KCNN1: variants seen among roughly 807,000 people sequenced by gnomAD.
The protein encoded by KCNN1 is potassium calcium-activated channel subfamily N member 1, also known as small conductance calcium-activated potassium channel protein 1.
A neutral mutation model predicts 44.7 loss-of-function variants in KCNN1; 20 were observed. The ratio of observed to expected loss-of-function variants is 0.45; its 90% CI spans 0.32 to 0.65. KCNN1 has a LOEUF of 0.65. Ranked by LOEUF, KCNN1 falls within the 30% of genes least tolerant of loss-of-function variation. KCNN1 has a pLI of 0.05. For missense variants in KCNN1, 632 were observed against 785.3 expected, an observed-to-expected ratio of 0.80 and a Z score of 2.33; for synonymous variants, 324 against 341.7, an observed-to-expected ratio of 0.95 and a Z score of 0.57.
At chr19:17,966,209 G>A (rs1265991415), upstream of KCNN1, among the ~76,000 whole-genome samples, 1 of 152,188 alleles carries the variant, frequency 6.6e-6, no homozygotes, top group Admixed American at 6.5e-5. Flanking sequence ...TGGAGGGTGT[G>A]GGAGAGAGAT....
At position 17,993,404 on chromosome 19, in the gene KCNN1, C is replaced by T. The variant is rs564083024; in HGVS notation, c.1308-86C>T. 4.1e-5 allele frequency: 40 copies of T among 972,800 alleles called. No homozygotes were observed. The African/African-American group carries it at 5.3e-4, about 13-fold the overall frequency. The allele number at this position is 972,800 out of a possible 1,614,324, so 60.3% of individuals were successfully genotyped here. A position where few individuals can be genotyped will look rare whatever the true frequency, so the allele number is the denominator to read the frequency against. On this transcript the variant is annotated intron_variant, in intron 8 of 9. Coordinates refer to ENST00000684775, the MANE Select transcript of KCNN1 (RefSeq NM_001386974.1). This position sits in a 1 kb window ranked among gnomAD's most constrained non-coding sequence, Gnocchi z 4.5. ...CTGATGCATGTCCCATAGGTGACCC[C>T]GGGTGGGTGCATGAAAGTCCCTGCC... is the stretch of plus-strand genomic sequence containing the variant.
intron 3 of KCNN1, among the ~76,000 whole-genome samples, chr19:17,977,309 A>T (rs1447101310): frequency 6.6e-6 from 1 of 151,172 alleles, no homozygotes; most frequent in Non-Finnish European, 1.5e-5. Flanking sequence ...AACACCAGTC[A>T]TTATTGGATT....
chr19:17,985,899 G>A (rs1005662109), intron 5 of KCNN1, among the ~76,000 whole-genome samples: 1 of 152,224 alleles, frequency 6.6e-6, no homozygotes, highest in African/African-American at 2.4e-5. Context: ...ATTTATGTGA[G>A]AATCCCAGAA....
intron 6 of KCNN1, among the ~76,000 whole-genome samples, chr19:17,989,448 A>G (rs2145964960): frequency 6.6e-6 from 1 of 152,072 alleles, no homozygotes; most frequent in East Asian, 1.9e-4. Context: ...ACAGAGCCTC[A>G]AAAAACAAAC....
Position 17,980,228 on chromosome 19 carries a change from A to ATTTTTTTTTTTTTTTTTTTTTT in KCNN1, c.499-1471_499-1450dup, listed in dbSNP as rs34810089. The stretch of plus-strand genomic sequence containing the variant: ...AGGCACCCGCCACCACACCTAGCTA[A>ATTTTTTTTTTTTTTTTTTTTTT]TTTTTTTTTTTTTTTTTTTTTTTTT... On this transcript the variant is annotated intron_variant, in intron 3 of 9. Coordinates refer to ENST00000684775, the MANE Select transcript of KCNN1 (RefSeq NM_001386974.1). 3.4e-4 allele frequency among the ~76,000 whole-genome samples: 15 copies of ATTTTTTTTTTTTTTTTTTTTTT among 44,538 alleles called. 2 individuals are homozygous for ATTTTTTTTTTTTTTTTTTTTTT. The highest frequency in any genetic ancestry group is 3.9e-4 in the Non-Finnish European group (10 of 25,396). 29.2% of individuals were successfully genotyped at this position (44,538 alleles called of 152,430 possible).
upstream of KCNN1, among the ~76,000 whole-genome samples, chr19:17,965,514 C>G (rs948345301): frequency 6.4e-4 from 97 of 152,070 alleles, no homozygotes; most frequent in African/African-American, 2.2e-3. Context: ...GGCAGGGGAA[C>G]AGCAAGTGCA....
intron 2 of KCNN1, among the ~76,000 whole-genome samples, chr19:17,955,356 T>C (rs1363994367): frequency 6.6e-6 from 1 of 150,512 alleles, no homozygotes; most frequent in African/African-American, 2.4e-5. Context: ...AGGTCAGGAG[T>C]TCGAGACCAG....
chr19:17,985,772 C>T (rs1395408928), intron 5 of KCNN1, among the ~76,000 whole-genome samples: 1 of 152,224 alleles, frequency 6.6e-6, no homozygotes, highest in Non-Finnish European at 1.5e-5. Context: ...TTATTCTCTA[C>T]AGCCTGATTT....
chr19:17,993,418 A>G lies in KCNN1; in HGVS notation c.1308-72A>G, dbSNP rs1225077776. 8.5e-7 allele frequency: 1 copy of G among 1,176,928 alleles called. No homozygotes were observed. 72.9% of individuals were successfully genotyped at this position (1,176,928 alleles called of 1,614,324 possible). On this transcript the variant is annotated intron_variant, in intron 8 of 9. Transcript: ENST00000684775. The surrounding 1 kb of genome is among the most constrained non-coding windows in gnomAD (Gnocchi z 4.5). ...ATAGGTGACCCCGGGTGGGTGCATG[A>G]AAGTCCCTGCCCCCACTGCAGCCTC...
intron 3 of KCNN1, among the ~76,000 whole-genome samples, chr19:17,980,388 C>T (rs1050461836): frequency 7.9e-5 from 12 of 151,836 alleles, no homozygotes; most frequent in African/African-American, 2.7e-4. Flanking sequence ...ATTCTGTTTC[C>T]ACTTTTGGAG....
At chr19:17,989,382 TGA>T (rs1343024356) in intron 6 of KCNN1, among the ~76,000 whole-genome samples, 1 of 152,096 alleles carries the variant, frequency 6.6e-6, no homozygotes, top group African/African-American at 2.4e-5. Context: ...CACTTGAACC[TGA>T]GAGGTGGAGG....
Position 17,993,405 on chromosome 19 carries a change from G to C in KCNN1, c.1308-85G>C. The C allele has an allele frequency of 1.0e-6, 1 of 976,660 alleles. No homozygotes were observed. The highest frequency in any genetic ancestry group is 1.6e-6 in the Non-Finnish European group (1 of 621,792). The allele number at this position is 976,660 out of a possible 1,614,324, so 60.5% of individuals were successfully genotyped here. ...TGATGCATGTCCCATAGGTGACCCC[G>C]GGTGGGTGCATGAAAGTCCCTGCCC... is the stretch of plus-strand genomic sequence containing the variant. On this transcript the variant is annotated intron_variant, in intron 8 of 9. Coordinates refer to ENST00000684775, the MANE Select transcript of KCNN1 (RefSeq NM_001386974.1). This position sits in a 1 kb window ranked among gnomAD's most constrained non-coding sequence, Gnocchi z 4.5.
At chr19:17,987,890 C>G (rs113738740) in intron 5 of KCNN1, among the ~76,000 whole-genome samples, 2,743 of 151,052 alleles carry the variant, frequency 0.018, 42 homozygotes, top group Middle Eastern at 0.024. Flanking sequence ...CACCTGTACT[C>G]CCAGCACTTT....
chr19:17,959,757 A>T (rs2145902985), intron 2 of KCNN1, among the ~76,000 whole-genome samples: 1 of 152,196 alleles, frequency 6.6e-6, no homozygotes, highest in Middle Eastern at 3.4e-3. Flanking sequence ...GGGAGGTTAC[A>T]CCCGAGTGAA....
At chr19:17,982,169 C>G in intron 4 of KCNN1, 42 bp downstream of exon 4, 1 of 1,438,278 alleles carries the variant, frequency 7.0e-7, no homozygotes, top group Non-Finnish European at 9.3e-7. Flanking sequence ...CCCCAGCCCC[C>G]GTCTCCCTGG....
intron 1 of KCNN1, among the ~76,000 whole-genome samples, chr19:17,969,806 G>A (rs895014847): frequency 1.3e-5 from 2 of 152,204 alleles, no homozygotes; most frequent in Non-Finnish European, 2.9e-5. Context: ...TTGCACCCTC[G>A]GGGATGGTGG....
chr19:17,985,100 C>T (rs561901912), intron 4 of KCNN1, among the ~76,000 whole-genome samples: 71 of 152,216 alleles, frequency 4.7e-4, no homozygotes, highest in African/African-American at 1.5e-3. Context: ...TCTGCCCCAT[C>T]CAGGGAAGCA....
chr19:17,967,178 CG>C lies in KCNN1; in HGVS notation c.-220del. On this transcript the variant is annotated 5_prime_UTR_variant, in exon 1 of 10. An upstream open reading frame in the 5' UTR gains an earlier in-frame stop. Transcript: ENST00000684775. ...CGCCTGCCGCCGCCGCCCCCGGCCC[CG>C]CCGCCCCCGGGCCCCGCGCCCGCTC... 3.2e-6 allele frequency: 3 copies of C among 949,264 alleles called. No homozygotes were observed. The highest frequency in any genetic ancestry group is 3.8e-6 in the Non-Finnish European group (3 of 799,186). 58.8% of individuals were successfully genotyped at this position (949,264 alleles called of 1,614,324 possible). A position where few individuals can be genotyped will look rare whatever the true frequency, so the allele number is the denominator to read the frequency against.
chr19:17,975,322 T>G (rs1241480208), intron 3 of KCNN1, 135 bp downstream of exon 3: 16 of 609,002 alleles, frequency 2.6e-5, no homozygotes, highest in Non-Finnish European at 4.7e-5. Flanking sequence ...AAGATCTCCA[T>G]AAAGACACAC....
Sources: allele counts gnomAD v4.1 joint callset (sites outside exome capture counted in the v4.1 genomes callset), GRCh38; gene constraint gnomAD v4.1.1; non-coding constraint Gnocchi (gnomAD v3.1); transcripts MANE v1.5; gene names NCBI Gene and HGNC (gene_info 2026-07-23, HGNC 2026-07-21).